SH3TC2: variants seen among roughly 807,000 people sequenced by gnomAD.
SH3TC2 encodes SH3 domain and tetratricopeptide repeat-containing protein 2.
SH3TC2 carries 87 observed loss-of-function variants against 124.5 expected under a neutral mutation model. The observed-to-expected ratio is 0.70, with a 90% CI of 0.59 to 0.84. SH3TC2 has a LOEUF of 0.84. SH3TC2 is among the 40% of genes least tolerant of loss of function. SH3TC2 has a pLI of 0.00. For missense variants in SH3TC2, 1,536 were observed against 1,566.4 expected (o/e 0.98, Z 0.33); for synonymous variants, 634 against 628.5 (o/e 1.01, Z -0.13).
rs1322991026 is a variant in SH3TC2 at position 148,986,093 on chromosome 5, C to A, written c.*18618G>T. Among the ~76,000 whole-genome samples the A allele has an allele frequency of 6.6e-6, 1 of 152,040 alleles. No homozygotes were observed. Among genetic ancestry groups the A allele is most frequent in the African/African-American group, 2.4e-5 (1 of 41,404 alleles). ...TTCTTTAAGTAAGGCTGTTTTGATC[C>A]AATTATAATCAATTTTCACTCACTA... On this transcript the variant is annotated 3_prime_UTR_variant, in exon 17 of 17. Transcript: ENST00000515425.
chr5:149,031,407 GA>G, intron 9 of SH3TC2, 146 bp downstream of exon 9: 1 of 1,028,746 alleles, frequency 9.7e-7, no homozygotes, highest in Non-Finnish European at 1.5e-6. Context: ...AATCAAATAT[GA>G]TTCAGGTCGT....
At position 149,028,726 on chromosome 5, in the gene SH3TC2, G is replaced by A; in HGVS notation, c.1136-8C>T. The A allele has an allele frequency of 1.9e-6, 3 of 1,614,180 alleles. No homozygotes were observed. The highest frequency in any genetic ancestry group is 1.7e-6 in the Non-Finnish European group (2 of 1,180,024). ...GGATGGATTCAAACCCACCTAAGTA[G>A]AGATGAAGAACAGGTCTGGTGTTAG... On this transcript the variant is annotated splice_region_variant and splice_polypyrimidine_tract_variant and intron_variant, in intron 9 of 16. Transcript: ENST00000515425.
In SH3TC2 at chr5:149,057,164, C is replaced by T. The variant is rs535879100; in HGVS notation, c.53-4924G>A. 8.7e-3 allele frequency among the ~76,000 whole-genome samples: 1,320 copies of T among 152,210 alleles called. 20 individuals carry two copies. Among genetic ancestry groups the T allele is most frequent in the African/African-American group, 0.03 (1,241 of 41,502 alleles). On this transcript the variant is annotated intron_variant, in intron 1 of 16. Coordinates refer to ENST00000515425, the MANE Select transcript of SH3TC2 (RefSeq NM_024577.4). ...ATTAACAATTGTTTTAATATTAATA[C>T]TTTAATCTACTATTTAAATTCCAGC...
At position 148,991,054 on chromosome 5, in the gene SH3TC2, G is replaced by A. The variant is rs897713412; in HGVS notation, c.*13657C>T. ...TTAGATCACTTGTTGAACATCTGTT[G>A]ACACTTTCCAGGGGACTTTCAAAAC... On this transcript the variant is annotated 3_prime_UTR_variant, in exon 17 of 17. Coordinates refer to ENST00000515425, the MANE Select transcript of SH3TC2 (RefSeq NM_024577.4). Among the ~76,000 whole-genome samples, 1 of 152,094 alleles carries A rather than the reference G, an allele frequency of 6.6e-6. No individual in the cohort carries two copies. The highest frequency in any genetic ancestry group is 1.5e-5 in the Non-Finnish European group (1 of 68,026).
rs1018268641 is a variant in SH3TC2 at position 148,992,614 on chromosome 5, T to C, written c.*12097A>G. 1.3e-5 allele frequency among the ~76,000 whole-genome samples: 2 copies of C among 150,760 alleles called. No homozygotes were observed. Among genetic ancestry groups the C allele is most frequent in the African/African-American group, 4.9e-5 (2 of 41,036 alleles). Reference sequence around the variant, plus strand: ...AGATTTCATTGGTTTTTTTTTTTTTTTTTTTTTTCAGATTTTCGAAGGGGT... The same window carrying C: ...AGATTTCATTGGTTTTTTTTTTTTTCTTTTTTTTCAGATTTTCGAAGGGGT... On this transcript the variant is annotated 3_prime_UTR_variant, in exon 17 of 17. Transcript: ENST00000515425.
intron 8 of SH3TC2, among the ~76,000 whole-genome samples, chr5:149,032,289 T>C (rs578011310): frequency 2.0e-5 from 3 of 152,160 alleles, no homozygotes; most frequent in Non-Finnish European, 4.4e-5. Context: ...AAAGGAAGAT[T>C]AGGGGAGCTG....
intron 12 of SH3TC2, among the ~76,000 whole-genome samples, chr5:149,015,765 T>C (rs573729062): frequency 1.3e-5 from 2 of 152,314 alleles, no homozygotes; most frequent in East Asian, 3.9e-4. Context: ...TGGATGAGTC[T>C]GTCTAACCTC....
At chr5:149,042,561 A>T in intron 5 of SH3TC2, 133 bp downstream of exon 5, 1 of 1,079,856 alleles carries the variant, frequency 9.3e-7, no homozygotes, top group East Asian at 2.4e-5. Flanking sequence ...AAGTACTATT[A>T]TAACAGGTGG....
chr5:149,055,494 G>GAA (rs138389134), intron 1 of SH3TC2, among the ~76,000 whole-genome samples: 4 of 145,722 alleles, frequency 2.7e-5, no homozygotes, highest in African/African-American at 7.5e-5. Context: ...TGGCTAAAAT[G>GAA]AAAAAAAAAA....
chr5:149,035,873 T>C (rs1754275404), intron 8 of SH3TC2: 1 of 152,100 alleles, frequency 6.6e-6, no homozygotes, highest in Admixed American at 6.5e-5. Flanking sequence ...TTGAGGTAAA[T>C]TAGCGTGAGG....
rs1173138546 is a variant in SH3TC2 at position 149,052,068 on chromosome 5, T to C, written c.151+74A>G. On this transcript the variant is annotated intron_variant, in intron 2 of 16. Coordinates refer to ENST00000515425, the MANE Select transcript of SH3TC2 (RefSeq NM_024577.4). Reference sequence around the variant, plus strand: ...AAGAGGGAAAGAGGGAGGGGCTCTTTAGATGGGAAAGATAAAGAGGTTATC... The same window carrying C: ...AAGAGGGAAAGAGGGAGGGGCTCTTCAGATGGGAAAGATAAAGAGGTTATC... 3 of 1,072,038 alleles carry C rather than the reference T, an allele frequency of 2.8e-6. No homozygotes were observed. The African/African-American group carries it at 4.7e-5, about 17-fold the overall frequency. The allele number at this position is 1,072,038 out of a possible 1,614,324, so 66.4% of individuals were successfully genotyped here. A position where few individuals can be genotyped will look rare whatever the true frequency, so the allele number is the denominator to read the frequency against.
rs569974719 is a variant in SH3TC2, at chr5:149,031,584, G to A, written c.1105C>T (p.Arg369Cys). 4.1e-5 allele frequency: 66 copies of A among 1,614,124 alleles called. No individual in the cohort carries two copies. In the South Asian group the frequency reaches 4.6e-4, roughly 11 times the overall value. Residue 369 changes from arginine (R) to cysteine (C), a missense_variant, in exon 9 of 17, where the codon CGC becomes TGC. Arg to Cys is a radical substitution (Grantham distance 180). Transcript: ENST00000515425. ...ECSSFLHTLA[R>C]TDITSVYRLS... ...CGGTAGACAGATGTGATGTCAGTGC[G>A]AGCAAGAGTGTGGAGGAAGCTGGAA...
chr5:149,012,272 C>T (rs1312718877), intron 13 of SH3TC2, among the ~76,000 whole-genome samples: 1 of 152,198 alleles, frequency 6.6e-6, no homozygotes, highest in Non-Finnish European at 1.5e-5. Flanking sequence ...GTATGTTGAG[C>T]TTTGGAAAGA....
chr5:149,045,813 AT>A, intron 3 of SH3TC2: 1 of 200,102 alleles, frequency 5.0e-6, no homozygotes, highest in South Asian at 6.0e-5. Flanking sequence ...CGCTTGGCTA[AT>A]TTTTTGTATT....
At chr5:149,016,529 G>C (rs1341168806) in intron 12 of SH3TC2, among the ~76,000 whole-genome samples, 1 of 152,176 alleles carries the variant, frequency 6.6e-6, no homozygotes, top group Non-Finnish European at 1.5e-5. Context: ...CAACAAAAAT[G>C]AGAAAAGAAT....
At chr5:149,050,707 G>A (rs1000942271) in intron 2 of SH3TC2, among the ~76,000 whole-genome samples, 4 of 152,128 alleles carry the variant, frequency 2.6e-5, no homozygotes, top group African/African-American at 9.7e-5. Flanking sequence ...TGGGCTTATG[G>A]CTATACCACC....
intron 2 of SH3TC2, among the ~76,000 whole-genome samples, chr5:149,050,480 T>C (rs949056861): frequency 3.9e-5 from 6 of 152,182 alleles, no homozygotes; most frequent in South Asian, 2.1e-4. Context: ...CCGAGGTCAG[T>C]TCAGTTTCAC....
chr5:149,012,464 TC>T, intron 13 of SH3TC2, 119 bp downstream of exon 13: 1 of 1,326,930 alleles, frequency 7.5e-7, no homozygotes, highest in Non-Finnish European at 1.1e-6. Flanking sequence ...TGACCCTTTC[TC>T]CACAGGCTTA....
In SH3TC2 at chr5:149,004,850, A is replaced by T. The variant is rs1210110275; in HGVS notation, c.3728T>A (p.Leu1243Gln). The T allele has an allele frequency of 6.2e-7, 1 of 1,614,088 alleles. No individual in the cohort carries two copies. The highest frequency in any genetic ancestry group is 8.5e-7 in the Non-Finnish European group (1 of 1,180,038). Residue 1243 changes from leucine to glutamine, a missense_variant, in exon 17 of 17, where the codon CTG becomes CAG. Physicochemically the swap from Leu to Gln is moderately radical, Grantham distance 113. Transcript: ENST00000515425. ...YFLLALAAAV[L>Q]LGDEELQDTI... is the part of the protein sequence containing the mutation. Reference sequence around the variant, plus strand: ...GTCCTGAAGCTCCTCATCACCCAGCAGGACCGCTGCTGCCAGGGCCAGAAG... The same window carrying T: ...GTCCTGAAGCTCCTCATCACCCAGCTGGACCGCTGCTGCCAGGGCCAGAAG...
Sources: allele counts gnomAD v4.1 joint callset (sites outside exome capture counted in the v4.1 genomes callset), GRCh38; gene constraint gnomAD v4.1.1; transcripts MANE v1.5; gene names NCBI Gene and HGNC (gene_info 2026-07-23, HGNC 2026-07-21).